The following ADAMTS20 variants were observed in gnomAD, a reference collection of about 807,000 sequenced individuals.
The protein encoded by ADAMTS20 is ADAM metallopeptidase with thrombospondin type 1 motif 20.
In ADAMTS20, 225 loss-of-function variants were observed where a neutral mutation model predicts 260.1. The ratio of observed to expected loss-of-function variants is 0.87; its 90% CI spans 0.78 to 0.97. ADAMTS20 has a LOEUF of 0.97. Among genes scored for constraint, ADAMTS20 ranks in the 50% least tolerant of loss-of-function variants. The pLI, the probability that ADAMTS20 is intolerant of heterozygous loss-of-function variation, is 0.00. For missense variants in ADAMTS20, 2,400 were observed against 2,337.7 expected, an observed-to-expected ratio of 1.03 and a Z score of -0.55; for synonymous variants, 802 against 769.5, an observed-to-expected ratio of 1.04 and a Z score of -0.70.
chr12:43,433,708 ACACACAC>A, intron 19 of ADAMTS20: 1 of 4,800 alleles, frequency 2.1e-4, no homozygotes, highest in East Asian at 0.02. Context: ...ACACAAACAC[ACACACAC>A]ACACACACAC....
At chr12:43,391,710 T>C (rs529187911) in intron 29 of ADAMTS20, among the ~76,000 whole-genome samples, 11 of 152,170 alleles carry the variant, frequency 7.2e-5, no homozygotes, top group Non-Finnish European at 1.6e-4. Context: ...ACCAAGTTCA[T>C]TATTTCTGCA....
chr12:43,444,744 C>T (rs1015322138), intron 15 of ADAMTS20, among the ~76,000 whole-genome samples: 2 of 152,102 alleles, frequency 1.3e-5, no homozygotes, highest in East Asian at 3.8e-4. Context: ...AGGATTTCCT[C>T]CTAGTTAACT....
Position 43,440,075 on chromosome 12 carries a change from A to G in ADAMTS20, c.2291-6T>C. On this transcript the variant is annotated splice_polypyrimidine_tract_variant and splice_region_variant and intron_variant, in intron 16 of 38. Transcript: ENST00000389420. ...CCCTTCAGCGTCAGATAATGCTGTAAAAGAATAAAGCATAACTCATGAAAT... is the reference window on the plus strand; with the variant it reads ...CCCTTCAGCGTCAGATAATGCTGTAGAAGAATAAAGCATAACTCATGAAAT... 1.3e-6 allele frequency: 2 copies of G among 1,547,268 alleles called. No individual in the cohort carries two copies.
At chr12:43,380,413 AT>A (rs1028029813) in intron 31 of ADAMTS20, among the ~76,000 whole-genome samples, 31 of 152,142 alleles carry the variant, frequency 2.0e-4, no homozygotes, top group African/African-American at 7.0e-4. Context: ...TCTATTTAAC[AT>A]TATTCTGGAA....
intron 3 of ADAMTS20, among the ~76,000 whole-genome samples, chr12:43,511,437 G>A (rs1018202364): frequency 6.6e-6 from 1 of 151,980 alleles, no homozygotes; most frequent in African/African-American, 2.4e-5. Flanking sequence ...TGAGAACACT[G>A]TTGGGCAATA....
intron 29 of ADAMTS20, among the ~76,000 whole-genome samples, chr12:43,384,278 A>C (rs1940422651): frequency 6.6e-6 from 1 of 152,188 alleles, no homozygotes; most frequent in South Asian, 2.1e-4. Context: ...GTCTATAAAA[A>C]TTACCACACA....
In ADAMTS20 at chr12:43,525,027, A is replaced by G. The variant is rs1288423090; in HGVS notation, c.613+7009T>C. 3.3e-5 allele frequency among the ~76,000 whole-genome samples: 5 copies of G among 152,342 alleles called. No homozygotes were observed. The East Asian group carries it at 9.6e-4, about 29-fold the overall frequency. The stretch of plus-strand genomic sequence containing the variant: ...AGATGTCAAAATACAAGAAGCTCAA[A>G]GCACTCCTGGGAGACTTATTGCAAA... On this transcript the variant is annotated intron_variant, in intron 3 of 38. Transcript: ENST00000389420.
intron 14 of ADAMTS20, among the ~76,000 whole-genome samples, chr12:43,447,999 A>G (rs1477280733): frequency 6.6e-6 from 1 of 152,214 alleles, no homozygotes; most frequent in African/African-American, 2.4e-5. Context: ...GATGACACAA[A>G]CAAATGAAAA....
chr12:43,383,395 A>C (rs1291605773), intron 31 of ADAMTS20, among the ~76,000 whole-genome samples, 163 bp downstream of exon 31: 5 of 152,110 alleles, frequency 3.3e-5, no homozygotes, highest in African/African-American at 1.2e-4. Context: ...CTATTACTCT[A>C]TTTGCACCAT....
intron 7 of ADAMTS20, among the ~76,000 whole-genome samples, chr12:43,486,366 G>T (rs903889428): frequency 2.6e-5 from 4 of 152,104 alleles, no homozygotes; most frequent in Non-Finnish European, 4.4e-5. Context: ...GGGAAAGTTG[G>T]ATAGCCACAT....
intron 28 of ADAMTS20, among the ~76,000 whole-genome samples, chr12:43,417,933 T>C (rs1941161933): frequency 6.6e-6 from 1 of 152,174 alleles, no homozygotes; most frequent in Non-Finnish European, 1.5e-5. Context: ...ATGAACTCTA[T>C]CATACGTATA....
At chr12:43,418,456 C>T (rs866790258) in intron 28 of ADAMTS20, among the ~76,000 whole-genome samples, 2 of 151,962 alleles carry the variant, frequency 1.3e-5, no homozygotes, top group African/African-American at 2.4e-5. Flanking sequence ...ATTACAGGCA[C>T]GCGCCACCAC....
At chr12:43,398,666 C>T (rs1940750490) in intron 29 of ADAMTS20, among the ~76,000 whole-genome samples, 1 of 152,060 alleles carries the variant, frequency 6.6e-6, no homozygotes, top group Admixed American at 6.6e-5. Flanking sequence ...TATCAGTAGC[C>T]TCTGCTAGTA....
intron 15 of ADAMTS20, 22 bp downstream of exon 15, chr12:43,446,572 CT>C: frequency 1.9e-6 from 3 of 1,587,152 alleles, no homozygotes; most frequent in African/African-American, 1.3e-5. Context: ...AAAGCGAAAT[CT>C]AGAAACAAAT....
intron 2 of ADAMTS20, among the ~76,000 whole-genome samples, chr12:43,546,289 A>C (rs2137529702): frequency 6.6e-6 from 1 of 152,316 alleles, no homozygotes; most frequent in South Asian, 2.1e-4. Context: ...AAGTACACAC[A>C]GCCATGACAA....
At chr12:43,379,344 C>A (rs1235058617) in intron 31 of ADAMTS20, among the ~76,000 whole-genome samples, 1 of 152,066 alleles carries the variant, frequency 6.6e-6, no homozygotes, top group African/African-American at 2.4e-5. Flanking sequence ...AGATGTCCAT[C>A]AGAGCTTTGA....
At chr12:43,453,750 C>A in intron 12 of ADAMTS20, among the ~76,000 whole-genome samples, 157 bp downstream of exon 12, 1 of 151,212 alleles carries the variant, frequency 6.6e-6, no homozygotes, top group Non-Finnish European at 1.5e-5. Context: ...TCTGAATCTA[C>A]CAAAATATAA....
At chr12:43,468,454 G>A (rs1220248145) in intron 8 of ADAMTS20, 146 bp downstream of exon 8, 2 of 624,060 alleles carry the variant, frequency 3.2e-6, no homozygotes, top group African/African-American at 1.9e-5. Context: ...AAAAGAGCCA[G>A]AGTTAGCATT....
chr12:43,485,636 G>T (rs532253546), intron 7 of ADAMTS20, among the ~76,000 whole-genome samples: 2 of 152,138 alleles, frequency 1.3e-5, no homozygotes, highest in East Asian at 3.9e-4. Flanking sequence ...AACTATCTCT[G>T]TTCACTGATT....
Sources: gnomAD v4.1 joint callset for allele counts (sites outside exome capture counted in the v4.1 genomes callset) on GRCh38, gnomAD v4.1.1 for gene constraint, MANE v1.5 for transcripts, NCBI Gene and HGNC (gene_info 2026-07-23, HGNC 2026-07-21) for gene names.